Variants in OIT3 observed in about 807,000 individuals in gnomAD.
The protein encoded by OIT3 is oncoprotein-induced transcript 3 protein.
OIT3 carries 41 observed loss-of-function variants against 52.2 expected under a neutral mutation model. The observed-to-expected ratio is 0.79, with a 90% confidence interval of 0.61 to 1.02. The LOEUF (loss-of-function observed/expected upper bound fraction) is 1.02, where lower values mean the gene tolerates loss of function less well. OIT3 is among the 50% of genes least tolerant of loss of function. OIT3 has a pLI of 0.00. For missense variants in OIT3, 634 were observed against 715.5 expected (o/e 0.89, Z 1.30); for synonymous variants, 244 against 276.9 (o/e 0.88, Z 1.18).
chr10:72,899,747 AGATAGATAGAT>A (rs1426982554), intron 2 of OIT3, among the ~76,000 whole-genome samples: 27 of 139,172 alleles, frequency 1.9e-4, no homozygotes, highest in African/African-American at 4.9e-4. Flanking sequence ...ATAGATAGAT[AGATAGATAGAT>A]GATAGATAGA....
intron 2 of OIT3, 60 bp from the exon 3 acceptor site, chr10:72,900,317 G>T: frequency 1.6e-4 from 103 of 628,730 alleles, no homozygotes; most frequent in Non-Finnish European, 2.5e-4. Flanking sequence ...TCTCTAAAAA[G>T]AATGAAAGAG....
Position 72,901,712 on chromosome 10 carries a change from C to G in OIT3, c.544+1228C>G, listed in dbSNP as rs146968273. 6.5e-3 allele frequency among the ~76,000 whole-genome samples: 996 copies of G among 152,108 alleles called. 16 individuals carry two copies. Among genetic ancestry groups the G allele is most frequent in the African/African-American group, 0.023 (941 of 41,474 alleles). On this transcript the variant is annotated intron_variant, in intron 3 of 8. Coordinates refer to ENST00000334011, the MANE Select transcript of OIT3 (RefSeq NM_152635.3). ...CATTGCAGCTTCGACATCCTGGGCCCAAGTAGCTTCTTGTTTTAGAAAAGC... is the reference window on the plus strand; with the variant it reads ...CATTGCAGCTTCGACATCCTGGGCCGAAGTAGCTTCTTGTTTTAGAAAAGC...
chr10:72,898,590 G>A (rs1845897418), intron 1 of OIT3, 74 bp from the exon 2 acceptor site: 2 of 1,385,858 alleles, frequency 1.4e-6, no homozygotes, highest in Non-Finnish European at 9.8e-7. Flanking sequence ...GCAAGACCAA[G>A]AAGTTGGACT....
chr10:72,897,277 G>A (rs1203038426), intron 1 of OIT3, among the ~76,000 whole-genome samples: 1 of 152,110 alleles, frequency 6.6e-6, no homozygotes, highest in African/African-American at 2.4e-5. Flanking sequence ...ACCCGCCTCG[G>A]CCCCCCAAAG....
At position 72,911,755 on chromosome 10, in the gene OIT3, C is replaced by T. The variant is rs752041875; in HGVS notation, c.706C>T (p.His236Tyr). The stretch of plus-strand genomic sequence containing the variant: ...CCACAATAACAATGGTGGCTGCAGC[C>T]ACTCTTGCCTTGGATCTGAGAAAGG... ...GCHNNNGGCS[H>Y]SCLGSEKGYQ... is the part of the protein sequence containing the mutation. Residue 236 changes from histidine (H) to tyrosine (Y), a missense_variant, in exon 5 of 9, where the codon CAC (histidine) becomes TAC (tyrosine). Physicochemically the swap from His to Tyr is moderately conservative, Grantham distance 83 (BLOSUM62 2). Transcript: ENST00000334011. 4 of 1,613,700 alleles carry T rather than the reference C, an allele frequency of 2.5e-6. No homozygotes were observed. Among genetic ancestry groups the T allele is most frequent in the Non-Finnish European group, 3.4e-6 (4 of 1,179,846 alleles).
chr10:72,918,334 C>T (rs1341949246), intron 6 of OIT3: 35 of 768,276 alleles, frequency 4.6e-5, no homozygotes, highest in South Asian at 4.0e-5. Flanking sequence ...GGACTGCCTT[C>T]GTAATTCATT....
intron 4 of OIT3, among the ~76,000 whole-genome samples, chr10:72,907,305 C>T (rs1374951556): frequency 6.6e-6 from 1 of 151,996 alleles, no homozygotes; most frequent in Non-Finnish European, 1.5e-5. Flanking sequence ...TGGTATTTCT[C>T]AAACTTTAAT....
At chr10:72,928,307 C>G (rs536632065) in intron 7 of OIT3, among the ~76,000 whole-genome samples, 1 of 152,236 alleles carries the variant, frequency 6.6e-6, no homozygotes, top group South Asian at 2.1e-4. Context: ...TTCGATAAGC[C>G]ACTAGTTTTG....
chr10:72,906,497 A>C, intron 3 of OIT3, 99 bp from the exon 4 acceptor site: 1 of 1,350,274 alleles, frequency 7.4e-7, no homozygotes, highest in Non-Finnish European at 1.0e-6. Flanking sequence ...TGGAAGGTGC[A>C]TCAACAGGAT....
intron 7 of OIT3, among the ~76,000 whole-genome samples, chr10:72,926,611 C>CA (rs1316242340): frequency 1.3e-5 from 2 of 152,182 alleles, no homozygotes; most frequent in Non-Finnish European, 2.9e-5. Context: ...CTTCCAGCCT[C>CA]AGATTCTTGT....
intron 7 of OIT3, among the ~76,000 whole-genome samples, chr10:72,926,119 A>G (rs1846167830): frequency 6.6e-6 from 1 of 152,228 alleles, no homozygotes. Flanking sequence ...AGTCTCAGGT[A>G]GGATCAGGAA....
At chr10:72,928,138 C>T (rs981848684) in intron 7 of OIT3, among the ~76,000 whole-genome samples, 3 of 152,064 alleles carry the variant, frequency 2.0e-5, no homozygotes, top group South Asian at 2.1e-4. Context: ...TGGTTCTCCC[C>T]GATATTGAAC....
intron 4 of OIT3, among the ~76,000 whole-genome samples, chr10:72,911,016 C>T (rs1350439596): frequency 6.6e-6 from 1 of 152,016 alleles, no homozygotes; most frequent in African/African-American, 2.4e-5. Flanking sequence ...TTAAAATCAC[C>T]TTGTAGATTC....
chr10:72,930,357 G>T (rs1207584778), intron 7 of OIT3, among the ~76,000 whole-genome samples, 181 bp from the exon 8 acceptor site: 1 of 152,164 alleles, frequency 6.6e-6, no homozygotes, highest in Non-Finnish European at 1.5e-5. Context: ...AGTAAATAAG[G>T]CTAGGTCTGA....
chr10:72,900,333 T>G, intron 2 of OIT3, 44 bp from the exon 3 acceptor site: 2 of 1,081,046 alleles, frequency 1.9e-6, no homozygotes, highest in Non-Finnish European at 2.8e-6. Context: ...AAGAGTGTCT[T>G]CTGGTCTCCT....
At chr10:72,899,589 C>CT (rs1735074463) in intron 2 of OIT3, among the ~76,000 whole-genome samples, 1 of 131,366 alleles carries the variant, frequency 7.6e-6, no homozygotes, top group South Asian at 2.3e-4. Flanking sequence ...GAGTGAGACT[C>CT]TGATTCAAAA....
chr10:72,930,275 G>A (rs181265702), intron 7 of OIT3, among the ~76,000 whole-genome samples: 41 of 152,316 alleles, frequency 2.7e-4, no homozygotes, highest in African/African-American at 9.6e-4. Context: ...ACACTTAAAC[G>A]CATTAACTTA....
At chr10:72,894,268 A>G (rs1845854787) in intron 1 of OIT3, among the ~76,000 whole-genome samples, 1 of 152,240 alleles carries the variant, frequency 6.6e-6, no homozygotes, top group African/African-American at 2.4e-5. Context: ...GGGGGCACAG[A>G]TCTGGATAAA....
intron 7 of OIT3, among the ~76,000 whole-genome samples, chr10:72,927,447 C>T (rs1402134462): frequency 6.6e-6 from 1 of 152,144 alleles, no homozygotes; most frequent in African/African-American, 2.4e-5. Flanking sequence ...ACCATATTTA[C>T]TTTTATTTTA....
Sources: gnomAD v4.1 joint callset for allele counts (sites outside exome capture counted in the v4.1 genomes callset) on GRCh38, gnomAD v4.1.1 for gene constraint, MANE v1.5 for transcripts, NCBI Gene and HGNC (gene_info 2026-07-23, HGNC 2026-07-21) for gene names.